Variants in CIMIP5 observed in about 807,000 individuals in gnomAD.
CIMIP5 encodes the protein ciliary microtubule inner protein 5.
At chr2:11,133,568 C>A in the CIMIP5 span, 1,371 of 1,604,298 alleles carry the variant, frequency 8.5e-4, 7 homozygotes, top group African/African-American at 0.015. Context: ...TCCTGGAGGC[C>A]GAGCGGCGGG....
At chr2:11,146,192 A>G in the CIMIP5 span, among the ~76,000 whole-genome samples, 1 of 152,158 alleles carries the variant, frequency 6.6e-6, no homozygotes, top group African/African-American at 2.4e-5. Context: ...ATTTGCATGC[A>G]TTAACTCATT....
the CIMIP5 span, among the ~76,000 whole-genome samples, chr2:11,148,409 G>A: frequency 1.8e-4 from 27 of 151,954 alleles, no homozygotes; most frequent in Non-Finnish European, 3.8e-4. Flanking sequence ...GAGCCACTGC[G>A]CCCAGCCAAC....
chr2:11,139,493 C>A, the CIMIP5 span, among the ~76,000 whole-genome samples: 1 of 152,182 alleles, frequency 6.6e-6, no homozygotes, highest in African/African-American at 2.4e-5. Flanking sequence ...CTAATACTAT[C>A]CTTATGGTCC....
the CIMIP5 span, among the ~76,000 whole-genome samples, chr2:11,154,121 C>A: frequency 7.9e-5 from 12 of 152,002 alleles, no homozygotes; most frequent in African/African-American, 2.9e-4. Flanking sequence ...GGACCACAGG[C>A]ACGCGCCACC....
the CIMIP5 span, among the ~76,000 whole-genome samples, chr2:11,154,293 T>C: frequency 6.6e-6 from 1 of 151,960 alleles, no homozygotes; most frequent in Admixed American, 6.5e-5. Flanking sequence ...CCTTTAAGGG[T>C]TCCCTTCTGA....
At chr2:11,138,375 T>C in the CIMIP5 span, among the ~76,000 whole-genome samples, 3 of 152,164 alleles carry the variant, frequency 2.0e-5, no homozygotes, top group Non-Finnish European at 4.4e-5. Context: ...GGGATAACAT[T>C]TACATAATCA....
the CIMIP5 span, chr2:11,133,634 G>A: frequency 6.5e-7 from 1 of 1,549,776 alleles, no homozygotes. Flanking sequence ...TCCGCAGCCT[G>A]ACTGCAAGTT....
At chr2:11,138,282 T>C in the CIMIP5 span, among the ~76,000 whole-genome samples, 1 of 152,210 alleles carries the variant, frequency 6.6e-6, no homozygotes, top group Non-Finnish European at 1.5e-5. Context: ...TGGGAGGAAA[T>C]GTAATTTCTC....
the CIMIP5 span, among the ~76,000 whole-genome samples, chr2:11,153,924 CAA>C: frequency 4.7e-3 from 656 of 139,386 alleles, 14 homozygotes; most frequent in Admixed American, 0.039. Context: ...AACTCCGTCT[CAA>C]AAAAAAAAAA....
the CIMIP5 span, among the ~76,000 whole-genome samples, chr2:11,138,778 C>T: frequency 2.0e-5 from 3 of 152,164 alleles, no homozygotes; most frequent in African/African-American, 7.2e-5. Context: ...ATGTGACCTG[C>T]CTGCTGCCAC....
chr2:11,148,985 C>T, the CIMIP5 span, among the ~76,000 whole-genome samples: 2 of 151,972 alleles, frequency 1.3e-5, no homozygotes, highest in South Asian at 2.1e-4. Context: ...CCGCCCGCCT[C>T]GGCCTCCCAA....
chr2:11,143,968 T>A, the CIMIP5 span: 3 of 1,605,246 alleles, frequency 1.9e-6, no homozygotes, highest in Admixed American at 3.4e-5. Flanking sequence ...GCCTCTCTTT[T>A]CGGACACAGT....
chr2:11,133,255 G>A, the CIMIP5 span: 3 of 1,466,818 alleles, frequency 2.0e-6, no homozygotes, highest in African/African-American at 4.4e-5. Context: ...GTTCCAGGAG[G>A]AGGTTTGAGC....
the CIMIP5 span, chr2:11,133,194 A>T: frequency 3.9e-6 from 4 of 1,014,108 alleles, no homozygotes; most frequent in East Asian, 1.2e-4. Flanking sequence ...GCCTAAAGGG[A>T]CAGTGAGGAG....
the CIMIP5 span, among the ~76,000 whole-genome samples, chr2:11,151,507 T>A: frequency 1.3e-5 from 2 of 152,208 alleles, no homozygotes; most frequent in Non-Finnish European, 2.9e-5. Context: ...ACAGACCCCA[T>A]TTATCAAGAC....
the CIMIP5 span, among the ~76,000 whole-genome samples, chr2:11,153,924 C>CAAAA: frequency 3.6e-5 from 5 of 139,386 alleles, no homozygotes; most frequent in African/African-American, 1.3e-4. Context: ...AACTCCGTCT[C>CAAAA]AAAAAAAAAA....
the CIMIP5 span, chr2:11,146,454 T>C: frequency 5.3e-5 from 8 of 152,338 alleles, no homozygotes; most frequent in East Asian, 1.5e-3. Flanking sequence ...AGAAAGTCTC[T>C]TGATTCTTGA....
chr2:11,144,026 T>C, the CIMIP5 span: 1 of 1,607,744 alleles, frequency 6.2e-7, no homozygotes, highest in Non-Finnish European at 8.5e-7. Flanking sequence ...GACACACCCC[T>C]GGGACAGACT....
At chr2:11,134,070 C>T in the CIMIP5 span, among the ~76,000 whole-genome samples, 6 of 152,014 alleles carry the variant, frequency 3.9e-5, no homozygotes, top group Admixed American at 3.9e-4. Context: ...AAAAAGCAAG[C>T]AGAGAAGCAA....
Sources: gnomAD v4.1 joint callset for allele counts (sites outside exome capture counted in the v4.1 genomes callset) on GRCh38, gnomAD v4.1.1 for gene constraint, MANE v1.5 for transcripts, NCBI Gene and HGNC (gene_info 2026-07-23, HGNC 2026-07-21) for gene names.